SAMD4B: variants seen among roughly 807,000 people sequenced by gnomAD.
The protein encoded by SAMD4B is protein Smaug homolog 2.
In SAMD4B, 5 loss-of-function variants were observed where a neutral mutation model predicts 74.5. The observed-to-expected ratio is 0.07, with a 90% CI of 0.04 to 0.14. The LOEUF (loss-of-function observed/expected upper bound fraction) is 0.14, where lower values mean the gene tolerates loss of function less well. Among genes scored for constraint, SAMD4B ranks in the 10% least tolerant of loss-of-function variants. SAMD4B has a pLI of 1.00. For missense variants in SAMD4B, 608 were observed against 921.8 expected, an observed-to-expected ratio of 0.66 and a Z score of 4.41; for synonymous variants, 373 against 374.9, an observed-to-expected ratio of 1.00 and a Z score of 0.06.
At chr19:39,380,289 A>T (rs1188754184) in intron 10 of SAMD4B, among the ~76,000 whole-genome samples, 1 of 152,220 alleles carries the variant, frequency 6.6e-6, no homozygotes, top group Non-Finnish European at 1.5e-5. Flanking sequence ...CCTCATATGT[A>T]CCTTGCTCCT....
At chr19:39,350,063 T>C (rs1484537778) in intron 1 of SAMD4B, 1 of 152,240 alleles carries the variant, frequency 6.6e-6, no homozygotes, top group Non-Finnish European at 1.5e-5. Flanking sequence ...ATGTATGTTA[T>C]ATATTTTTGA....
chr19:39,362,677 G>A (rs1398420208), intron 3 of SAMD4B, among the ~76,000 whole-genome samples: 2 of 152,136 alleles, frequency 1.3e-5, no homozygotes, highest in Non-Finnish European at 2.9e-5. Context: ...TGGACCAGAA[G>A]GCTGTTCCTA....
At chr19:39,386,579 G>A (rs1300444464), downstream of SAMD4B, 1 of 1,613,854 alleles carries the variant, frequency 6.2e-7, no homozygotes, top group Non-Finnish European at 8.5e-7. This position sits in a 1 kb window ranked among gnomAD's most constrained non-coding sequence, Gnocchi z 6.1. Flanking sequence ...CCTCCTGGAA[G>A]CAGCAAGATT....
chr19:39,379,873 C>T (rs1374264095), intron 9 of SAMD4B, 93 bp from the exon 10 acceptor site: 1 of 1,107,092 alleles, frequency 9.0e-7, no homozygotes, highest in African/African-American at 1.6e-5. Context: ...CCCGGCCAGG[C>T]AATAAATATT....
At chr19:39,389,831 G>A, downstream of SAMD4B, 1 of 1,593,538 alleles carries the variant, frequency 6.3e-7, no homozygotes, top group Non-Finnish European at 8.6e-7. This position sits in a 1 kb window ranked among gnomAD's most constrained non-coding sequence, Gnocchi z 5.3. Flanking sequence ...CTTCCCAGAG[G>A]CGGAGCTTCT....
chr19:39,353,203 C>T (rs980242730), intron 1 of SAMD4B, among the ~76,000 whole-genome samples: 1 of 152,212 alleles, frequency 6.6e-6, no homozygotes, highest in Non-Finnish European at 1.5e-5. Context: ...CTCATCCACC[C>T]TGCATCCAGG....
At chr19:39,390,172 T>C (rs1600616033), downstream of SAMD4B, 20 of 1,613,040 alleles carry the variant, frequency 1.2e-5, no homozygotes, top group East Asian at 1.6e-4. Context: ...CTAGGAACAT[T>C]AGTGGCTCAA....
chr19:39,358,893 C>G (rs1018611890), intron 3 of SAMD4B, among the ~76,000 whole-genome samples: 1 of 152,212 alleles, frequency 6.6e-6, no homozygotes, highest in Non-Finnish European at 1.5e-5. Flanking sequence ...CCCAGGCCCA[C>G]CTGCCTTAGC....
rs1343862722 is a variant in SAMD4B, at chr19:39,385,529, T to C, written c.*2002T>C. The C allele has an allele frequency of 2.1e-6, 1 of 470,864 alleles. No homozygotes were observed. The highest frequency in any genetic ancestry group is 3.7e-6 in the Non-Finnish European group (1 of 269,946). The allele number at this position is 470,864 out of a possible 1,614,324, so 29.2% of individuals were successfully genotyped here. On this transcript the variant is annotated 3_prime_UTR_variant, in exon 14 of 14. Coordinates refer to ENST00000610417, the MANE Select transcript of SAMD4B (RefSeq NM_001384574.2). ...CTCCAGCCCCCTCCCCAGGCCCTCC[T>C]CCATGATTTCACCCTCCCTACCCAC...
Position 39,356,738 on chromosome 19 carries a change from C to T in SAMD4B, c.-156C>T. The T allele has an allele frequency of 1.7e-6, 1 of 604,072 alleles. No individual in the cohort carries two copies. Among genetic ancestry groups the T allele is most frequent in the South Asian group, 2.3e-5 (1 of 43,892 alleles). The allele number at this position is 604,072 out of a possible 1,614,324, so 37.4% of individuals were successfully genotyped here. A position where few individuals can be genotyped will look rare whatever the true frequency, so the allele number is the denominator to read the frequency against. On this transcript the variant is annotated 5_prime_UTR_variant, in exon 3 of 14. Coordinates refer to ENST00000610417, the MANE Select transcript of SAMD4B (RefSeq NM_001384574.2). ...CAAGACCTCCCCCCATGTGAGCAGG[C>T]TTCCTCCTCCCCCAACAACCGTTGC...
intron 1 of SAMD4B, chr19:39,351,490 G>A (rs1236636967): frequency 3.3e-5 from 5 of 152,172 alleles, no homozygotes; most frequent in African/African-American, 1.2e-4. Flanking sequence ...GACCAGTAGT[G>A]CATTCTGTTT....
intron 4 of SAMD4B, among the ~76,000 whole-genome samples, chr19:39,374,911 GAA>G (rs934895438): frequency 2.0e-5 from 3 of 152,002 alleles, no homozygotes; most frequent in Non-Finnish European, 4.4e-5. Flanking sequence ...GGTGCTGTAA[GAA>G]AGACAAGACA....
chr19:39,373,061 C>T (rs1334680134), intron 4 of SAMD4B, among the ~76,000 whole-genome samples: 2 of 152,282 alleles, frequency 1.3e-5, no homozygotes, highest in Middle Eastern at 3.4e-3. Context: ...GCTCTGGGGC[C>T]TGCACCAGGC....
intron 5 of SAMD4B, 102 bp from the exon 6 acceptor site, chr19:39,376,335 G>C (rs1432969019): frequency 1.1e-6 from 1 of 873,530 alleles, no homozygotes; most frequent in African/African-American, 1.7e-5. Flanking sequence ...CCAATTTTTT[G>C]CATCTTTTGA....
chr19:39,378,978 C>A lies in SAMD4B; in HGVS notation c.1530+389C>A, dbSNP rs2077774928. Among the ~76,000 whole-genome samples the A allele has an allele frequency of 6.6e-6, 1 of 152,160 alleles. No homozygotes were observed. Among genetic ancestry groups the A allele is most frequent in the East Asian group, 1.9e-4 (1 of 5,202 alleles). On this transcript the variant is annotated intron_variant, in intron 9 of 13. Coordinates refer to ENST00000610417, the MANE Select transcript of SAMD4B (RefSeq NM_001384574.2). The surrounding 1 kb of genome is among the most constrained non-coding windows in gnomAD (Gnocchi z 4.4). Reference sequence around the variant, plus strand: ...CCTGACGTGGCACATGCCAGCCCTTCCAGTCTTGTATCTTACCAGTGTTGG... The same window carrying A: ...CCTGACGTGGCACATGCCAGCCCTTACAGTCTTGTATCTTACCAGTGTTGG...
At chr19:39,365,755 A>G (rs1568355027) in intron 3 of SAMD4B, among the ~76,000 whole-genome samples, 3 of 152,252 alleles carry the variant, frequency 2.0e-5, no homozygotes, top group Non-Finnish European at 2.9e-5. Context: ...TAAATGCTCA[A>G]TAAACAGTAT....
intron 1 of SAMD4B, among the ~76,000 whole-genome samples, chr19:39,345,990 C>G (rs1353283989): frequency 2.0e-5 from 3 of 152,122 alleles, no homozygotes; most frequent in African/African-American, 7.2e-5. Context: ...GCCTGGTGAC[C>G]TGCCTCACCC....
downstream of SAMD4B, chr19:39,388,304 G>A (rs117544698): frequency 0.023 from 36,911 of 1,612,264 alleles, 487 homozygotes; most frequent in Middle Eastern, 0.045. Flanking sequence ...AAGAAGCACA[G>A]ATCCAGGCTA....
At chr19:39,348,724 G>T (rs545294851) in intron 1 of SAMD4B, among the ~76,000 whole-genome samples, 3 of 151,874 alleles carry the variant, frequency 2.0e-5, no homozygotes, top group African/African-American at 7.3e-5. Flanking sequence ...GAGGAAAACA[G>T]AGGGTCAGGA....
Sources: gnomAD v4.1 joint callset for allele counts (sites outside exome capture counted in the v4.1 genomes callset) on GRCh38, gnomAD v4.1.1 for gene constraint, Gnocchi (gnomAD v3.1) non-coding constraint, MANE v1.5 for transcripts, NCBI Gene and HGNC (gene_info 2026-07-23, HGNC 2026-07-21) for gene names.